Variants in PIK3C2A observed in about 807,000 individuals in gnomAD.
PIK3C2A encodes the protein phosphatidylinositol 4-phosphate 3-kinase C2 domain-containing subunit alpha.
PIK3C2A carries 97 observed loss-of-function variants against 204.5 expected under a neutral mutation model. The observed-to-expected ratio is 0.47, with a 90% CI of 0.40 to 0.56. The LOEUF (loss-of-function observed/expected upper bound fraction) is 0.56. Among genes scored for constraint, PIK3C2A ranks in the 20% least tolerant of loss-of-function variants. The probability of loss-of-function intolerance (pLI) is 0.00; values close to 1 mark genes in which losing one functional copy is unlikely to be tolerated. For synonymous variants in PIK3C2A, 653 were observed against 664.4 expected, an observed-to-expected ratio of 0.98 and a Z score of 0.26; for missense variants, 1,735 against 1,969.2, an observed-to-expected ratio of 0.88 and a Z score of 2.25.
intron 9 of PIK3C2A, among the ~76,000 whole-genome samples, 183 bp downstream of exon 9, chr11:17,136,299 A>T (rs1317848642): frequency 6.6e-6 from 1 of 152,200 alleles, no homozygotes; most frequent in African/African-American, 2.4e-5. Flanking sequence ...GTCAACTCTC[A>T]TAAAGCTCTT....
chr11:17,155,361 C>T (rs187023406), intron 3 of PIK3C2A, among the ~76,000 whole-genome samples, 165 bp downstream of exon 3: 275 of 152,232 alleles, frequency 1.8e-3, no homozygotes, highest in Middle Eastern at 6.8e-3. Context: ...GGTGAAGATA[C>T]AAGTTCAACT....
chr11:17,095,740 C>A (rs1848436305), intron 27 of PIK3C2A, among the ~76,000 whole-genome samples: 1 of 150,992 alleles, frequency 6.6e-6, no homozygotes, highest in African/African-American at 2.4e-5. Flanking sequence ...CATGGCGAAA[C>A]CCCATCTCTA....
At chr11:17,118,764 A>T (rs1466508247) in intron 17 of PIK3C2A, 25 bp from the exon 18 acceptor site, 1 of 1,119,386 alleles carries the variant, frequency 8.9e-7, no homozygotes, top group African/African-American at 1.6e-5. Context: ...AATAAGAATT[A>T]TTAGTGGTCT....
intron 1 of PIK3C2A, among the ~76,000 whole-genome samples, chr11:17,201,475 C>A (rs1449819696): frequency 3.6e-5 from 5 of 137,786 alleles, no homozygotes; most frequent in Non-Finnish European, 7.6e-5. Flanking sequence ...TGCAGTGAGC[C>A]AAGATCGCAC....
intron 1 of PIK3C2A, among the ~76,000 whole-genome samples, chr11:17,179,377 G>A (rs962763019): frequency 5.9e-5 from 9 of 151,594 alleles, no homozygotes; most frequent in Non-Finnish European, 1.2e-4. Flanking sequence ...GCCCAGGCTG[G>A]TCTCAAACTC....
chr11:17,103,625 G>A (rs1052146000), intron 23 of PIK3C2A, among the ~76,000 whole-genome samples: 7 of 152,132 alleles, frequency 4.6e-5, no homozygotes, highest in Non-Finnish European at 1.0e-4. Context: ...ATATGTGTGT[G>A]TGTGTGTATA....
At chr11:17,175,492 G>A (rs1851308024) in intron 1 of PIK3C2A, among the ~76,000 whole-genome samples, 1 of 152,086 alleles carries the variant, frequency 6.6e-6, no homozygotes, top group Non-Finnish European at 1.5e-5. Flanking sequence ...AACTTCATTT[G>A]ATGACAAACA....
intron 8 of PIK3C2A, chr11:17,138,295 T>C (rs2137400625): frequency 1.6e-6 from 1 of 628,864 alleles, no homozygotes; most frequent in South Asian, 1.6e-5. Flanking sequence ...ATATGCCAAA[T>C]GCCCCGGAAG....
intron 1 of PIK3C2A, chr11:17,204,196 A>G (rs1216336825): frequency 6.6e-6 from 1 of 152,250 alleles, no homozygotes; most frequent in Non-Finnish European, 1.5e-5. Flanking sequence ...TACTAGTTAC[A>G]TGGAGCTATT....
intron 1 of PIK3C2A, among the ~76,000 whole-genome samples, chr11:17,205,278 T>C (rs1852526980): frequency 6.7e-6 from 1 of 150,144 alleles, no homozygotes; most frequent in South Asian, 2.1e-4. Flanking sequence ...AAGACCATCC[T>C]GGCCAACCAA....
At chr11:17,174,077 C>T (rs1055584790) in intron 1 of PIK3C2A, among the ~76,000 whole-genome samples, 4 of 151,958 alleles carry the variant, frequency 2.6e-5, no homozygotes, top group South Asian at 2.1e-4. Context: ...CCACCTGCCT[C>T]GGCCTCCCAA....
chr11:17,162,188 T>G (rs1850795745), intron 2 of PIK3C2A, among the ~76,000 whole-genome samples: 1 of 151,272 alleles, frequency 6.6e-6, no homozygotes, highest in African/African-American at 2.4e-5. Flanking sequence ...AATAGAAAAA[T>G]TTGCCGGGTG....
At chr11:17,119,635 A>G (rs886818074) in intron 16 of PIK3C2A, 151 bp downstream of exon 16, 3 of 550,028 alleles carry the variant, frequency 5.5e-6, no homozygotes, top group Non-Finnish European at 6.3e-6. Context: ...GACAACTTCA[A>G]TGCAGAAGAT....
intron 1 of PIK3C2A, chr11:17,194,026 G>C (rs1852050937): frequency 2.6e-6 from 1 of 380,726 alleles, no homozygotes; most frequent in African/African-American, 2.1e-5. Context: ...GAAGATGCAG[G>C]CTTTGGCAGG....
At chr11:17,147,083 A>C (rs1850267446) in intron 6 of PIK3C2A, among the ~76,000 whole-genome samples, 1 of 152,206 alleles carries the variant, frequency 6.6e-6, no homozygotes, top group Non-Finnish European at 1.5e-5. Flanking sequence ...CACCTACTGA[A>C]AGTAGTGAAC....
chr11:17,155,928 A>C (rs1850576646), intron 2 of PIK3C2A, among the ~76,000 whole-genome samples: 1 of 152,206 alleles, frequency 6.6e-6, no homozygotes, highest in African/African-American at 2.4e-5. Flanking sequence ...ACACTTTAGA[A>C]ATTTTACAAC....
At chr11:17,144,991 G>A (rs974009006) in intron 8 of PIK3C2A, among the ~76,000 whole-genome samples, 9 of 144,844 alleles carry the variant, frequency 6.2e-5, no homozygotes, top group African/African-American at 2.3e-4. Context: ...CCTTTGTTTT[G>A]GCCAATCTCT....
intron 1 of PIK3C2A, among the ~76,000 whole-genome samples, chr11:17,202,340 G>C (rs532349021): frequency 6.6e-6 from 1 of 151,548 alleles, no homozygotes; most frequent in Non-Finnish European, 1.5e-5. Context: ...TAATCTCAGC[G>C]CTTTAGGAGG....
At chr11:17,125,630 T>C (rs1417318498) in intron 13 of PIK3C2A, among the ~76,000 whole-genome samples, 1 of 152,104 alleles carries the variant, frequency 6.6e-6, no homozygotes, top group Non-Finnish European at 1.5e-5. Context: ...TTCTCCCGTC[T>C]CAGCCTCCCA....
Sources: allele counts gnomAD v4.1 joint callset (sites outside exome capture counted in the v4.1 genomes callset), GRCh38; gene constraint gnomAD v4.1.1; transcripts MANE v1.5; gene names NCBI Gene and HGNC (gene_info 2026-07-23, HGNC 2026-07-21).